Variants in SEMA3D observed in about 807,000 individuals in gnomAD.
SEMA3D encodes the protein semaphorin 3D.
SEMA3D carries 84 observed loss-of-function variants against 100.1 expected under a neutral mutation model. The ratio of observed to expected loss-of-function variants is 0.84; its 90% CI spans 0.70 to 1.01. The LOEUF is 1.01. Ranked by LOEUF, SEMA3D falls within the 50% of genes least tolerant of loss-of-function variation. The pLI, the probability that SEMA3D is intolerant of heterozygous loss-of-function variation, is 0.00. For missense variants in SEMA3D, 875 were observed against 934.1 expected, an observed-to-expected ratio of 0.94 and a Z score of 0.82; for synonymous variants, 312 against 320.7, an observed-to-expected ratio of 0.97 and a Z score of 0.29.
chr7:85,239,042 C>T, the SEMA3D span, among the ~76,000 whole-genome samples: 6 of 152,046 alleles, frequency 3.9e-5, no homozygotes, highest in Non-Finnish European at 1.5e-5. Context: ...ATTGCATTCT[C>T]GTTGCCATCA....
chr7:85,057,004 C>A (rs1791338604), intron 8 of SEMA3D, among the ~76,000 whole-genome samples: 1 of 150,698 alleles, frequency 6.6e-6, no homozygotes. Flanking sequence ...GGCTGATAAG[C>A]ATTATCATTA....
At chr7:85,208,306 A>C in the SEMA3D span, among the ~76,000 whole-genome samples, 18 of 152,022 alleles carry the variant, frequency 1.2e-4, no homozygotes, top group Non-Finnish European at 1.9e-4. Flanking sequence ...GATTGACAGC[A>C]ACAAACAGAT....
At chr7:85,020,413 C>T in intron 13 of SEMA3D, 92 bp from the exon 14 acceptor site, 3 of 824,530 alleles carry the variant, frequency 3.6e-6, no homozygotes, top group Non-Finnish European at 4.0e-6. Flanking sequence ...ATTCCCCTCA[C>T]TTCTCTTTAA....
At chr7:85,142,969 C>T (rs1293575628) in intron 2 of SEMA3D, 4 of 984,874 alleles carry the variant, frequency 4.1e-6, no homozygotes, top group Non-Finnish European at 4.8e-6. Context: ...ATGCCAAGAG[C>T]AATTCTACCT....
At chr7:85,235,196 T>C in the SEMA3D span, among the ~76,000 whole-genome samples, 1 of 152,214 alleles carries the variant, frequency 6.6e-6, no homozygotes, top group Non-Finnish European at 1.5e-5. Flanking sequence ...ACAACTCTGC[T>C]ACTATTAGAA....
the SEMA3D span, among the ~76,000 whole-genome samples, chr7:85,240,290 A>G: frequency 1.2e-4 from 19 of 152,210 alleles, no homozygotes; most frequent in East Asian, 3.3e-3. Flanking sequence ...TGTTGATATG[A>G]TGGATTACAT....
At chr7:85,237,177 A>T in the SEMA3D span, among the ~76,000 whole-genome samples, 1 of 152,214 alleles carries the variant, frequency 6.6e-6, no homozygotes, top group Non-Finnish European at 1.5e-5. Flanking sequence ...TCAGCAGAAC[A>T]TACAGTTAGA....
intron 8 of SEMA3D, among the ~76,000 whole-genome samples, chr7:85,065,187 T>C (rs991631418): frequency 1.6e-4 from 24 of 152,144 alleles, no homozygotes; most frequent in African/African-American, 5.1e-4. Context: ...ATATTTAAAA[T>C]ATTAATTAGA....
intron 1 of SEMA3D, among the ~76,000 whole-genome samples, chr7:85,184,138 G>T (rs1427921558): frequency 6.6e-6 from 1 of 152,134 alleles, no homozygotes; most frequent in Admixed American, 6.5e-5. Context: ...ACCATGAATT[G>T]CATTTAAAAT....
chr7:85,141,444 A>C, intron 2 of SEMA3D: 1 of 985,136 alleles, frequency 1.0e-6, no homozygotes, highest in Non-Finnish European at 1.2e-6. Flanking sequence ...TTTAAAAAAA[A>C]GATTGGTGTC....
chr7:85,035,061 A>G lies in SEMA3D; in HGVS notation c.1191+1828T>C, dbSNP rs576296939. 8.1e-4 allele frequency among the ~76,000 whole-genome samples: 124 copies of G among 152,158 alleles called. 1 individual carries two copies. The highest frequency in any genetic ancestry group is 2.9e-3 in the African/African-American group (121 of 41,550). ...TGCAGCACTATTCACAATAGTCAAG[A>G]CATGGAAACAACCTAAATGTCTGTC... On this transcript the variant is annotated intron_variant, in intron 12 of 18. Coordinates refer to ENST00000284136, the MANE Select transcript of SEMA3D (RefSeq NM_001384900.1).
chr7:85,073,682 G>A (rs1791840800), intron 5 of SEMA3D, among the ~76,000 whole-genome samples: 1 of 152,104 alleles, frequency 6.6e-6, no homozygotes, highest in African/African-American at 2.4e-5. Context: ...ACAAAACACT[G>A]AACACAAACG....
chr7:85,030,115 G>A (rs1165566185), intron 12 of SEMA3D, among the ~76,000 whole-genome samples: 1 of 151,748 alleles, frequency 6.6e-6, no homozygotes, highest in East Asian at 2.0e-4. Flanking sequence ...ACCATGTTAT[G>A]ATGTTCCTTA....
intron 3 of SEMA3D, among the ~76,000 whole-genome samples, chr7:85,113,455 T>C (rs1789150807): frequency 6.6e-6 from 1 of 151,860 alleles, no homozygotes; most frequent in East Asian, 1.9e-4. Flanking sequence ...ACAACTCTAT[T>C]GTTGTTTAAG....
chr7:85,085,254 AT>A (rs1788182512), intron 4 of SEMA3D, among the ~76,000 whole-genome samples: 2 of 152,338 alleles, frequency 1.3e-5, no homozygotes, highest in South Asian at 2.1e-4. Context: ...AAACAAAAAA[AT>A]ATATAACTCT....
intron 1 of SEMA3D, among the ~76,000 whole-genome samples, chr7:85,160,519 C>T (rs1050668617): frequency 2.0e-5 from 3 of 152,016 alleles, no homozygotes; most frequent in Non-Finnish European, 2.9e-5. Context: ...CAAATGGGGG[C>T]GATGCGGTTT....
At chr7:85,143,959 C>T (rs568647639) in intron 2 of SEMA3D, among the ~76,000 whole-genome samples, 38 of 152,136 alleles carry the variant, frequency 2.5e-4, no homozygotes, top group African/African-American at 8.7e-4. Context: ...GATCCGCTCA[C>T]CTCTGCCTCC....
intron 3 of SEMA3D, among the ~76,000 whole-genome samples, chr7:85,114,316 T>C (rs1789176936): frequency 2.0e-5 from 3 of 152,116 alleles, no homozygotes; most frequent in African/African-American, 4.8e-5. Context: ...AAAGAAGAGG[T>C]AGATAGGAAA....
At chr7:85,130,079 A>T (rs1249684969) in intron 2 of SEMA3D, among the ~76,000 whole-genome samples, 1 of 152,168 alleles carries the variant, frequency 6.6e-6, no homozygotes, top group Admixed American at 6.6e-5. Flanking sequence ...GGGAAATAGG[A>T]TAAAAAATTT....
Sources: gnomAD v4.1 joint callset for allele counts (sites outside exome capture counted in the v4.1 genomes callset) on GRCh38, gnomAD v4.1.1 for gene constraint, MANE v1.5 for transcripts, NCBI Gene and HGNC (gene_info 2026-07-23, HGNC 2026-07-21) for gene names.